Variants in DLC1 observed in about 807,000 individuals in gnomAD.
DLC1 encodes DLC1 Rho GTPase activating protein, also known as rho GTPase-activating protein 7.
In DLC1, 54 loss-of-function variants were observed where a neutral mutation model predicts 140.3. The observed-to-expected ratio is 0.38, with a 90% CI of 0.31 to 0.48. DLC1 has a LOEUF of 0.48. Ranked by LOEUF, DLC1 falls within the 20% of genes least tolerant of loss-of-function variation. The pLI is 0.96. For synonymous variants in DLC1, 986 were observed against 728.1 expected (o/e 1.35, Z -5.70); for missense variants, 2,536 against 1,907.0 (o/e 1.33, Z -6.14).
rs556430417 is a variant in DLC1, at chr8:13,088,573, G to A, written c.4206C>T (p.Ile1402=). The A allele has an allele frequency of 4.3e-6, 7 of 1,613,976 alleles. No individual in the cohort carries two copies. The highest frequency in any genetic ancestry group is 1.3e-5 in the African/African-American group (1 of 74,896). Reference sequence around the variant, plus strand: ...TTTCAGTTTGGCTGTCCAGAATTTCGATCACTTTTGAATCCAACAGGTCTA... The same window carrying A: ...TTTCAGTTTGGCTGTCCAGAATTTCAATCACTTTTGAATCCAACAGGTCTA... ...WDVDLLDSKV[I]EILDSQTEIY... The change falls in exon 16 of 18, where the codon ATC becomes ATT. Residue 1402 remains isoleucine, a synonymous_variant. Transcript: ENST00000276297.
intron 5 of DLC1, among the ~76,000 whole-genome samples, chr8:13,304,278 C>G (rs1321940640): frequency 3.9e-5 from 6 of 152,106 alleles, no homozygotes; most frequent in Non-Finnish European, 7.4e-5. Flanking sequence ...TGATTTTTCT[C>G]TTGAGCTGAC....
intron 1 of DLC1, among the ~76,000 whole-genome samples, chr8:13,568,942 G>C (rs17823666): frequency 0.13 from 19,721 of 152,244 alleles, 1,390 homozygotes; most frequent in Middle Eastern, 0.19. Context: ...TTAGCTGTAA[G>C]GGGAAGAAGA....
intron 5 of DLC1, among the ~76,000 whole-genome samples, chr8:13,215,780 C>T (rs187315313): frequency 1.2e-4 from 19 of 152,256 alleles, no homozygotes; most frequent in South Asian, 8.3e-4. Flanking sequence ...AACACCCAGT[C>T]TTAGAAACCA....
At chr8:13,307,708 T>G (rs1280616292) in intron 4 of DLC1, among the ~76,000 whole-genome samples, 1 of 152,210 alleles carries the variant, frequency 6.6e-6, no homozygotes, top group Non-Finnish European at 1.5e-5. Context: ...AGCTAGTGCT[T>G]ACTGGGTGCT....
chr8:13,371,681 A>G (rs2117119364), intron 4 of DLC1, among the ~76,000 whole-genome samples: 1 of 151,824 alleles, frequency 6.6e-6, no homozygotes, highest in South Asian at 2.1e-4. Context: ...TTGAGCACCC[A>G]TTGTGTAACA....
intron 5 of DLC1, among the ~76,000 whole-genome samples, chr8:13,245,580 A>T (rs1408702245): frequency 6.6e-6 from 1 of 152,136 alleles, no homozygotes; most frequent in Non-Finnish European, 1.5e-5. Flanking sequence ...CCTCCACCTG[A>T]ATCTTTGTCT....
At chr8:13,394,909 C>T (rs1836949178) in intron 3 of DLC1, among the ~76,000 whole-genome samples, 2 of 151,996 alleles carry the variant, frequency 1.3e-5, no homozygotes, top group Admixed American at 1.3e-4. Context: ...AGAGAAGCAT[C>T]CGTTGACATT....
intron 2 of DLC1, among the ~76,000 whole-genome samples, chr8:13,411,247 T>C (rs1312463511): frequency 3.3e-5 from 5 of 152,178 alleles, no homozygotes; most frequent in East Asian, 1.9e-4. Flanking sequence ...AAATGAGCTA[T>C]CACACCATGG....
intron 5 of DLC1, among the ~76,000 whole-genome samples, chr8:13,266,095 G>A (rs1830679449): frequency 6.6e-6 from 1 of 152,066 alleles, no homozygotes; most frequent in African/African-American, 2.4e-5. Context: ...ACTTTTCTCT[G>A]TCTTCCTTTC....
chr8:13,450,583 G>C (rs1048153624), intron 2 of DLC1, among the ~76,000 whole-genome samples: 1 of 151,170 alleles, frequency 6.6e-6, no homozygotes, highest in Non-Finnish European at 1.5e-5. Flanking sequence ...ATTTTTACTT[G>C]AAATTGTATT....
chr8:13,360,723 G>A (rs780950020), intron 4 of DLC1, among the ~76,000 whole-genome samples: 30 of 151,562 alleles, frequency 2.0e-4, no homozygotes, highest in Non-Finnish European at 3.4e-4. Context: ...AGTAATCCAT[G>A]TCTTAGAAAA....
At chr8:13,102,595 A>C (rs542563680) in intron 8 of DLC1, among the ~76,000 whole-genome samples, 195 bp downstream of exon 8, 6 of 152,348 alleles carry the variant, frequency 3.9e-5, no homozygotes, top group Non-Finnish European at 7.3e-5. Context: ...TAGATAAAAT[A>C]ATGTAATGGA....
Position 13,099,555 on chromosome 8 carries a change from A to G in DLC1, c.2782T>C (p.Ser928Pro). Residue 928 changes from serine to proline, a missense_variant, in exon 9 of 18, where the codon TCT becomes CCT. Physicochemically the swap from Ser to Pro is moderately conservative, Grantham distance 74 (BLOSUM62 -1). Transcript: ENST00000276297. Reference sequence around the variant, plus strand: ...GCTGAGTCCGAATCTCCCTCATCAGAAAACTTCTCCGACCACTGATTGACT... The same window carrying G: ...GCTGAGTCCGAATCTCCCTCATCAGGAAACTTCTCCGACCACTGATTGACT... ...RIVNQWSEKF[S>P]DEGDSDSALD... The G allele has an allele frequency of 6.2e-7, 1 of 1,614,162 alleles. No individual in the cohort carries two copies. The highest frequency in any genetic ancestry group is 8.5e-7 in the Non-Finnish European group (1 of 1,180,024).
At chr8:13,372,524 C>T (rs1835773194) in intron 4 of DLC1, among the ~76,000 whole-genome samples, 1 of 152,158 alleles carries the variant, frequency 6.6e-6, no homozygotes, top group African/African-American at 2.4e-5. Flanking sequence ...GTGCAGAAAT[C>T]CTTCCTTTAA....
At chr8:13,441,453 G>GA (rs1798506624) in intron 2 of DLC1, among the ~76,000 whole-genome samples, 1 of 152,208 alleles carries the variant, frequency 6.6e-6, no homozygotes, top group African/African-American at 2.4e-5. Flanking sequence ...TGTATATCTA[G>GA]AAAACCGCAT....
chr8:13,350,437 C>T (rs1300905939), intron 4 of DLC1, among the ~76,000 whole-genome samples: 3 of 152,092 alleles, frequency 2.0e-5, no homozygotes, highest in Admixed American at 2.0e-4. Flanking sequence ...AACACCAGGC[C>T]AGGCGTGGTG....
intron 3 of DLC1, among the ~76,000 whole-genome samples, chr8:13,399,664 C>G (rs1411590026): frequency 6.6e-6 from 1 of 152,176 alleles, no homozygotes; most frequent in East Asian, 1.9e-4. Flanking sequence ...TGGGCTGTGT[C>G]AATTCATCAG....
chr8:13,325,804 T>C (rs1286066561), intron 4 of DLC1, among the ~76,000 whole-genome samples: 2 of 152,216 alleles, frequency 1.3e-5, no homozygotes, highest in Admixed American at 1.3e-4. Context: ...TAGCGCTTTA[T>C]GTTTATTTCC....
Position 13,100,578 on chromosome 8 carries a change from C to T in DLC1, c.1759G>A (p.Glu587Lys), listed in dbSNP as rs767485912. The T allele has an allele frequency of 1.4e-5, 22 of 1,613,512 alleles. No homozygotes were observed. The highest frequency in any genetic ancestry group is 1.8e-5 in the Non-Finnish European group (21 of 1,179,848). The change falls in exon 9 of 18, where the codon GAG becomes AAG. Residue 587 changes from glutamate to lysine, a missense_variant. By Grantham distance (56) the Glu-to-Lys change is moderately conservative. Transcript: ENST00000276297. ...CGGACGGAAGACACCTCCTGGCGCT[C>T]GCTGAGGTCCATCAGCGTGCCTCCG... ...SPGGTLMDLS[E>K]RQEVSSVRSL...
Sources: gnomAD v4.1 joint callset for allele counts (sites outside exome capture counted in the v4.1 genomes callset) on GRCh38, gnomAD v4.1.1 for gene constraint, MANE v1.5 for transcripts, NCBI Gene and HGNC (gene_info 2026-07-23, HGNC 2026-07-21) for gene names.